ABCA13: variants seen among roughly 807,000 people sequenced by gnomAD.
ABCA13 encodes ATP-binding cassette sub-family A member 13.
In ABCA13, 476 loss-of-function variants were observed where a neutral mutation model predicts 478.7. That is an observed-to-expected ratio of 0.99 (90% CI 0.92 to 1.07). The LOEUF is 1.07. Ranked by LOEUF, ABCA13 falls within the 50% of genes least tolerant of loss-of-function variation. The pLI is 0.00. For synonymous variants in ABCA13, 2,252 were observed against 2,158.9 expected, an observed-to-expected ratio of 1.04 and a Z score of -1.20; for missense variants, 6,060 against 5,910.6, an observed-to-expected ratio of 1.03 and a Z score of -0.83.
rs561500831 is a variant in ABCA13 at position 48,380,683 on chromosome 7, C to G, written c.11335+4111C>G. 3.9e-5 allele frequency among the ~76,000 whole-genome samples: 6 copies of G among 152,310 alleles called. No individual in the cohort carries two copies. In the South Asian group the frequency reaches 1.2e-3, roughly 32 times the overall value. The stretch of plus-strand genomic sequence containing the variant: ...CACACTAAAGGCAATTGTACCATCC[C>G]CATTGTATTAATCATACTTTTTTAT... On this transcript the variant is annotated intron_variant, in intron 35 of 61. Transcript: ENST00000435803.
chr7:48,455,056 C>T lies in ABCA13; in HGVS notation c.12585C>T (p.Pro4195=). 2.0e-6 allele frequency: 3 copies of T among 1,533,174 alleles called. No homozygotes were observed. The highest frequency in any genetic ancestry group is 1.9e-4 in the Middle Eastern group (1 of 5,186). The allele number at this position is 1,533,174 out of a possible 1,614,324, so 95.0% of individuals were successfully genotyped here. Residue 4195 remains proline (P), a synonymous_variant, in exon 43 of 62, where the codon CCC becomes CCT. Transcript: ENST00000435803. The stretch of plus-strand genomic sequence containing the variant: ...CTGCAGGTGGCTCCCTAGCACGGCC[C>T]GCAACTGTGCAGGGCGTCCAGCTGC... The part of the protein sequence containing the change: ...LSGYCGSLAR[P]ATVQGVQLLR...
intron 45 of ABCA13, among the ~76,000 whole-genome samples, chr7:48,480,551 A>G (rs941349421): frequency 1.3e-5 from 2 of 152,122 alleles, no homozygotes; most frequent in African/African-American, 4.8e-5. Flanking sequence ...ACCTCCTCCT[A>G]CCTTGTTAGG....
At chr7:48,380,762 T>C (rs1442354901) in intron 35 of ABCA13, among the ~76,000 whole-genome samples, 1 of 152,148 alleles carries the variant, frequency 6.6e-6, no homozygotes, top group African/African-American at 2.4e-5. Flanking sequence ...TTACTGACCC[T>C]AGAGGGACTG....
At chr7:48,586,009 A>C (rs772370748) in intron 56 of ABCA13, among the ~76,000 whole-genome samples, 2 of 152,204 alleles carry the variant, frequency 1.3e-5, no homozygotes, top group African/African-American at 2.4e-5. Context: ...ATAGACACAT[A>C]TAATACACAG....
chr7:48,471,481 G>A, intron 44 of ABCA13, 49 bp from the exon 45 acceptor site: 1 of 1,470,892 alleles, frequency 6.8e-7, no homozygotes, highest in Non-Finnish European at 9.3e-7. Flanking sequence ...GAAATACAAT[G>A]GCTTTGTAAA....
chr7:48,241,782 A>T (rs1216895038), intron 10 of ABCA13, among the ~76,000 whole-genome samples: 1 of 152,246 alleles, frequency 6.6e-6, no homozygotes, highest in African/African-American at 2.4e-5. Flanking sequence ...ATTGGATAGG[A>T]CCATATTGTG....
Position 48,274,982 on chromosome 7 carries a change from C to G in ABCA13, c.5316C>G (p.Val1772=). The change falls in exon 17 of 62, where the codon GTC becomes GTG. Residue 1772 remains valine, a synonymous_variant. Transcript: ENST00000435803. ...GKNITEGLKD[V]YSFTLLHGIT... ...ACATCACTGAAGGCCTCAAGGATGT[C>G]TACAGCTTCACACTCCTTCATGGCA... 2 of 1,613,820 alleles carry G rather than the reference C, an allele frequency of 1.2e-6. No homozygotes were observed. The highest frequency in any genetic ancestry group is 1.7e-6 in the Non-Finnish European group (2 of 1,179,768).
At chr7:48,479,606 T>C (rs1162423595) in intron 45 of ABCA13, among the ~76,000 whole-genome samples, 1 of 152,192 alleles carries the variant, frequency 6.6e-6, no homozygotes, top group Non-Finnish European at 1.5e-5. Context: ...ATAGATCTCT[T>C]GTACTTTTGC....
intron 38 of ABCA13, among the ~76,000 whole-genome samples, chr7:48,401,108 ATC>A (rs1817542587): frequency 6.6e-6 from 1 of 152,188 alleles, no homozygotes; most frequent in East Asian, 1.9e-4. Context: ...AATATATGCT[ATC>A]TCTCTCTTGG....
At chr7:48,586,899 A>G (rs985838424) in intron 56 of ABCA13, among the ~76,000 whole-genome samples, 7 of 151,948 alleles carry the variant, frequency 4.6e-5, no homozygotes, top group African/African-American at 1.7e-4. Flanking sequence ...TTTCTTGCCC[A>G]CCCTTCTCCC....
intron 29 of ABCA13, among the ~76,000 whole-genome samples, chr7:48,349,197 T>G (rs1381128447): frequency 6.6e-6 from 1 of 152,206 alleles, no homozygotes; most frequent in Non-Finnish European, 1.5e-5. Context: ...AGCAAAAGCT[T>G]AATTATCAGA....
Position 48,318,391 on chromosome 7 carries a change from C to T in ABCA13, c.9999+1095C>T, listed in dbSNP as rs1289771053. On this transcript the variant is annotated intron_variant, in intron 27 of 61. Coordinates refer to ENST00000435803, the MANE Select transcript of ABCA13 (RefSeq NM_152701.5). ...AGAGACAGACTCTGGCTCTGTCACCCAGGCTGGAGTGCAGTGGTGCAATCA... is the reference window on the plus strand; with the variant it reads ...AGAGACAGACTCTGGCTCTGTCACCTAGGCTGGAGTGCAGTGGTGCAATCA... Among the ~76,000 whole-genome samples, 3 of 152,044 alleles carry T rather than the reference C, an allele frequency of 2.0e-5. 1 individual carries two copies. Among genetic ancestry groups the T allele is most frequent in the South Asian group, 4.2e-4 (2 of 4,812 alleles).
chr7:48,236,863 G>A (rs550706880), intron 8 of ABCA13, among the ~76,000 whole-genome samples: 1 of 152,232 alleles, frequency 6.6e-6, no homozygotes, highest in East Asian at 1.9e-4. Context: ...ATTGCCTGGT[G>A]AGCTCTTCCT....
intron 55 of ABCA13, among the ~76,000 whole-genome samples, chr7:48,564,430 CT>C (rs996275290): frequency 6.8e-5 from 10 of 146,740 alleles, no homozygotes; most frequent in Admixed American, 2.8e-4. Context: ...GTAGTTTCAA[CT>C]TTTTTTTTAA....
At chr7:48,294,438 T>TTG (rs1799060880) in intron 20 of ABCA13, among the ~76,000 whole-genome samples, 1 of 73,254 alleles carries the variant, frequency 1.4e-5, no homozygotes, top group Non-Finnish European at 2.8e-5. Flanking sequence ...TTTTTTTTTT[T>TTG]TTTGTTTTGT....
intron 23 of ABCA13, among the ~76,000 whole-genome samples, chr7:48,299,770 T>C (rs1398549948): frequency 6.6e-6 from 1 of 152,156 alleles, no homozygotes; most frequent in Non-Finnish European, 1.5e-5. Context: ...AAGTGGCCAC[T>C]GGGTGTCACT....
intron 48 of ABCA13, among the ~76,000 whole-genome samples, chr7:48,489,659 CT>C (rs1829667835): frequency 1.3e-5 from 2 of 152,180 alleles, no homozygotes; most frequent in Admixed American, 6.5e-5. Context: ...AAAATTTTAC[CT>C]TTTAAAGACA....
intron 45 of ABCA13, among the ~76,000 whole-genome samples, chr7:48,473,916 G>A (rs772512973): frequency 2.6e-5 from 4 of 152,180 alleles, no homozygotes; most frequent in South Asian, 4.1e-4. Context: ...GACACAGTAC[G>A]CTTAGTGAGC....
intron 51 of ABCA13, among the ~76,000 whole-genome samples, chr7:48,515,580 A>G (rs1832043630): frequency 2.0e-5 from 3 of 152,188 alleles, no homozygotes; most frequent in Admixed American, 2.0e-4. Flanking sequence ...AATGAATCCC[A>G]TGTTCATCTA....
Sources: gnomAD v4.1 joint callset for allele counts (sites outside exome capture counted in the v4.1 genomes callset) on GRCh38, gnomAD v4.1.1 for gene constraint, MANE v1.5 for transcripts, NCBI Gene and HGNC (gene_info 2026-07-23, HGNC 2026-07-21) for gene names.